The following SAC3D1 variants were observed in gnomAD, a reference collection of about 807,000 sequenced individuals.
SAC3D1 encodes SAC3 domain-containing protein 1.
In SAC3D1, 10 loss-of-function variants were observed where a neutral mutation model predicts 12.7. The observed-to-expected ratio is 0.79, with a 90% CI of 0.49 to 1.34. SAC3D1 has a LOEUF of 1.34. Ranked by LOEUF, SAC3D1 falls within the 40% of genes most tolerant of loss-of-function variation. SAC3D1 has a pLI of 0.00. For missense variants in SAC3D1, 482 were observed against 531.1 expected, an observed-to-expected ratio of 0.91 and a Z score of 0.91; for synonymous variants, 241 against 250.8, an observed-to-expected ratio of 0.96 and a Z score of 0.37.
chr11:65,044,239 C>G lies in SAC3D1; in HGVS notation c.589C>G (p.Leu197Val). The change falls in exon 2 of 2, where the codon CTG (leucine) becomes GTG (valine). Residue 197 changes from leucine to valine, a missense_variant. Coordinates refer to ENST00000652489, the MANE Select transcript of SAC3D1 (RefSeq NM_013299.4). This position sits in a 1 kb window ranked among gnomAD's most constrained non-coding sequence, Gnocchi z 4.0. ...CGCTCTCACAGGCTCGGTGGAAGCC[C>G]TGCATGAGGTTCTACAGCTGCCTGC... ...LLYNLGSVEA[L>V]HEVLQLPAAL... is the part of the protein sequence containing the mutation. 6.2e-7 allele frequency: 1 copy of G among 1,612,690 alleles called. No homozygotes were observed. The highest frequency in any genetic ancestry group is 1.3e-5 in the African/African-American group (1 of 75,048).
chr11:65,041,221 G>T lies in SAC3D1; in HGVS notation c.-72G>T, dbSNP rs939298745. 1.1e-5 allele frequency: 15 copies of T among 1,385,306 alleles called. No homozygotes were observed. In the African/African-American group the frequency reaches 2.3e-4, roughly 21 times the overall value. The allele number at this position is 1,385,306 out of a possible 1,614,324, so 85.8% of individuals were successfully genotyped here. On this transcript the variant is annotated 5_prime_UTR_variant, in exon 1 of 2. Coordinates refer to ENST00000652489, the MANE Select transcript of SAC3D1 (RefSeq NM_013299.4). ...CCCGCCGCTCCCCACCCCCCGGCCGGCCTCGCGTGCCTTCCCGCAGCACTG... is the reference window on the plus strand; with the variant it reads ...CCCGCCGCTCCCCACCCCCCGGCCGTCCTCGCGTGCCTTCCCGCAGCACTG...
Position 65,041,401 on chromosome 11 carries a change from GGTT to G in SAC3D1, c.111_113del (p.Cys38del). The G allele has an allele frequency of 6.6e-7, 1 of 1,507,066 alleles. No individual in the cohort carries two copies. The highest frequency in any genetic ancestry group is 8.8e-7 in the Non-Finnish European group (1 of 1,134,824). 93.4% of individuals were successfully genotyped at this position (1,507,066 alleles called of 1,614,324 possible). ...CCTGCACCGCTTGGAGGTGGTGCCGGGTTGCCGCCAGGACCCGCCCCGCGCGGA... is the reference window on the plus strand; with the variant it reads ...CCTGCACCGCTTGGAGGTGGTGCCGGGCCGCCAGGACCCGCCCCGCGCGGA... On this transcript the variant is annotated inframe_deletion, in exon 1 of 2. Transcript: ENST00000652489.
At position 65,041,480 on chromosome 11, in the gene SAC3D1, G is replaced by A. The variant is rs1279931225; in HGVS notation, c.188G>A (p.Arg63Gln). 1.4e-6 allele frequency: 2 copies of A among 1,474,330 alleles called. No homozygotes were observed. Among genetic ancestry groups the A allele is most frequent in the African/African-American group, 1.5e-5 (1 of 68,102 alleles). The allele number at this position is 1,474,330 out of a possible 1,614,324, so 91.3% of individuals were successfully genotyped here. A position where few individuals can be genotyped will look rare whatever the true frequency, so the allele number is the denominator to read the frequency against. The change falls in exon 1 of 2, where the codon CGG (arginine) becomes CAG (glutamine). Residue 63 changes from arginine to glutamine, a missense_variant. By Grantham distance (43) the Arg-to-Gln change is conservative. Transcript: ENST00000652489. Reference sequence around the variant, plus strand: ...AGCCGACCCGCCGCCGGCAAGCCCCGGCCCCCGCCCAGCCAGTTGCGTCCG... The same window carrying A: ...AGCCGACCCGCCGCCGGCAAGCCCCAGCCCCCGCCCAGCCAGTTGCGTCCG... ...EYSRPAAGKP[R>Q]PPPSQLRPPS...
chr11:65,044,083 C>G lies in SAC3D1; in HGVS notation c.575-142C>G. On this transcript the variant is annotated intron_variant, in intron 1 of 1. Transcript: ENST00000652489. The surrounding 1 kb of genome is among the most constrained non-coding windows in gnomAD (Gnocchi z 4.0). ...GGTTGGGGAAGGAGCCAAAGGCTGG[C>G]CCTTAGAGGGGAGAGGGAAGTTGGG... 1.1e-6 allele frequency: 1 copy of G among 933,408 alleles called. No homozygotes were observed. Among genetic ancestry groups the G allele is most frequent in the Non-Finnish European group, 1.6e-6 (1 of 618,404 alleles). 57.8% of individuals were successfully genotyped at this position (933,408 alleles called of 1,614,324 possible).
Position 65,041,831 on chromosome 11 carries a change from C to G in SAC3D1, c.539C>G (p.Pro180Arg). The G allele has an allele frequency of 6.8e-7, 1 of 1,467,890 alleles. No individual in the cohort carries two copies. Among genetic ancestry groups the G allele is most frequent in the Non-Finnish European group, 9.0e-7 (1 of 1,116,822 alleles). The allele number at this position is 1,467,890 out of a possible 1,614,324, so 90.9% of individuals were successfully genotyped here. A position where few individuals can be genotyped will look rare whatever the true frequency, so the allele number is the denominator to read the frequency against. The change falls in exon 1 of 2, where the codon CCC becomes CGC. Residue 180 changes from proline (P) to arginine (R), a missense_variant. Coordinates refer to ENST00000652489, the MANE Select transcript of SAC3D1 (RefSeq NM_013299.4). ...ARGAGPHPRQ[P>R]AFQGLFLLYN... ...GGCGCCGGGCCGCACCCCCGCCAAC[C>G]CGCCTTCCAGGGCCTCTTTCTGCTC...
Position 65,044,087 on chromosome 11 carries a change from T to G in SAC3D1, c.575-138T>G. On this transcript the variant is annotated intron_variant, in intron 1 of 1. Transcript: ENST00000652489. This position sits in a 1 kb window ranked among gnomAD's most constrained non-coding sequence, Gnocchi z 4.0. The stretch of plus-strand genomic sequence containing the variant: ...GGGGAAGGAGCCAAAGGCTGGCCCT[T>G]AGAGGGGAGAGGGAAGTTGGGCTAG... The G allele has an allele frequency of 2.0e-6, 2 of 980,436 alleles. No individual in the cohort carries two copies. The highest frequency in any genetic ancestry group is 1.6e-5 in the South Asian group (1 of 63,870). The allele number at this position is 980,436 out of a possible 1,614,324, so 60.7% of individuals were successfully genotyped here. A position where few individuals can be genotyped will look rare whatever the true frequency, so the allele number is the denominator to read the frequency against.
At chr11:65,041,948 G>C (rs1208682889) in intron 1 of SAC3D1, 82 bp downstream of exon 1, 2 of 1,280,630 alleles carry the variant, frequency 1.6e-6, no homozygotes, top group South Asian at 2.3e-5. Context: ...GGAAGGATTA[G>C]CTTTAACATC....
chr11:65,043,144 T>G (rs1305695877), intron 1 of SAC3D1: 8 of 402,216 alleles, frequency 2.0e-5, no homozygotes, highest in Non-Finnish European at 3.5e-5. Context: ...TTGTCCACAC[T>G]GTTCCTCTGA....
Position 65,044,172 on chromosome 11 carries a change from A to G in SAC3D1, c.575-53A>G, listed in dbSNP as rs1946665693. ...GGACAGGGTGTTGGGAGGGGAGATG[A>G]GCCTGATCCTGTAAGGACCAGGCGT... On this transcript the variant is annotated intron_variant, in intron 1 of 1. Transcript: ENST00000652489. This position sits in a 1 kb window ranked among gnomAD's most constrained non-coding sequence, Gnocchi z 4.0. The G allele has an allele frequency of 1.3e-6, 2 of 1,576,276 alleles. No homozygotes were observed. The highest frequency in any genetic ancestry group is 3.5e-5 in the Admixed American group (2 of 57,386).
chr11:65,044,766 C>T lies in SAC3D1; in HGVS notation c.*39C>T. 1 of 1,580,404 alleles carries T rather than the reference C, an allele frequency of 6.3e-7. No individual in the cohort carries two copies. Among genetic ancestry groups the T allele is most frequent in the Non-Finnish European group, 8.6e-7 (1 of 1,162,946 alleles). ...GCCTCCCAGAGCCCCAGGACTGGGC[C>T]AGAGCACTTAGGTTTCTTTTTCCAT... On this transcript the variant is annotated 3_prime_UTR_variant, in exon 2 of 2. Coordinates refer to ENST00000652489, the MANE Select transcript of SAC3D1 (RefSeq NM_013299.4). The surrounding 1 kb of genome is among the most constrained non-coding windows in gnomAD (Gnocchi z 4.0).
chr11:65,041,531 G>C lies in SAC3D1; in HGVS notation c.239G>C (p.Arg80Pro). The change falls in exon 1 of 2, where the codon CGC becomes CCC. Residue 80 changes from arginine to proline, a missense_variant. This residue lies in a region of SAC3D1 where 197 missense variants were observed against 183.2 expected (regional missense o/e 1.08). Transcript: ENST00000652489. The part of the protein sequence containing the change: ...RPPSVLLATV[R>P]YLAGEVAESA... ...CCCTCCGTGCTGCTGGCCACCGTGC[G>C]CTACCTGGCCGGTGAGGTGGCGGAG... 1.4e-6 allele frequency: 2 copies of C among 1,467,860 alleles called. No individual in the cohort carries two copies. Among genetic ancestry groups the C allele is most frequent in the Non-Finnish European group, 1.8e-6 (2 of 1,115,804 alleles). 90.9% of individuals were successfully genotyped at this position (1,467,860 alleles called of 1,614,324 possible). A position where few individuals can be genotyped will look rare whatever the true frequency, so the allele number is the denominator to read the frequency against.
In SAC3D1 at chr11:65,041,406, C is replaced by T. The variant is rs1402540209; in HGVS notation, c.114C>T (p.Cys38=). ...RLHRLEVVPG[C]RQDPPRADPQ... ...ACCGCTTGGAGGTGGTGCCGGGTTGCCGCCAGGACCCGCCCCGCGCGGATC... is the reference window on the plus strand; with the variant it reads ...ACCGCTTGGAGGTGGTGCCGGGTTGTCGCCAGGACCCGCCCCGCGCGGATC... The change falls in exon 1 of 2, where the codon TGC becomes TGT. Residue 38 remains cysteine (C), a synonymous_variant. Transcript: ENST00000652489. 48 of 1,506,010 alleles carry T rather than the reference C, an allele frequency of 3.2e-5. No homozygotes were observed. The East Asian group carries it at 1.3e-3, about 40-fold the overall frequency. The allele number at this position is 1,506,010 out of a possible 1,614,324, so 93.3% of individuals were successfully genotyped here.
chr11:65,044,214 C>G lies in SAC3D1; in HGVS notation c.575-11C>G. On this transcript the variant is annotated splice_polypyrimidine_tract_variant and intron_variant, in intron 1 of 1. Coordinates refer to ENST00000652489, the MANE Select transcript of SAC3D1 (RefSeq NM_013299.4). The surrounding 1 kb of genome is among the most constrained non-coding windows in gnomAD (Gnocchi z 4.0). Reference sequence around the variant, plus strand: ...ACCAGGCGTCCTCATTCTGGCTTCCCGCTCTCACAGGCTCGGTGGAAGCCC... The same window carrying G: ...ACCAGGCGTCCTCATTCTGGCTTCCGGCTCTCACAGGCTCGGTGGAAGCCC... 1 of 1,610,568 alleles carries G rather than the reference C, an allele frequency of 6.2e-7. No individual in the cohort carries two copies. The highest frequency in any genetic ancestry group is 8.5e-7 in the Non-Finnish European group (1 of 1,178,454).
intron 1 of SAC3D1, chr11:65,042,982 T>C (rs758885792): frequency 2.5e-5 from 10 of 396,558 alleles, no homozygotes; most frequent in Non-Finnish European, 5.1e-5. Context: ...ACCACAGATG[T>C]ATGCAATCAC....
At position 65,044,086 on chromosome 11, in the gene SAC3D1, T is replaced by G; in HGVS notation, c.575-139T>G. The G allele has an allele frequency of 1.0e-6, 1 of 985,208 alleles. No homozygotes were observed. Among genetic ancestry groups the G allele is most frequent in the Non-Finnish European group, 1.5e-6 (1 of 663,810 alleles). The allele number at this position is 985,208 out of a possible 1,614,324, so 61.0% of individuals were successfully genotyped here. A position where few individuals can be genotyped will look rare whatever the true frequency, so the allele number is the denominator to read the frequency against. ...TGGGGAAGGAGCCAAAGGCTGGCCC[T>G]TAGAGGGGAGAGGGAAGTTGGGCTA... is the stretch of plus-strand genomic sequence containing the variant. On this transcript the variant is annotated intron_variant, in intron 1 of 1. Transcript: ENST00000652489. This position sits in a 1 kb window ranked among gnomAD's most constrained non-coding sequence, Gnocchi z 4.0.
rs769935752 is a variant in SAC3D1, at chr11:65,041,236, C to T, written c.-57C>T. ...CCCCCGGCCGGCCTCGCGTGCCTTC[C>T]CGCAGCACTGCCGTCCCCGGGATGC... On this transcript the variant is annotated 5_prime_UTR_variant, in exon 1 of 2. Coordinates refer to ENST00000652489, the MANE Select transcript of SAC3D1 (RefSeq NM_013299.4). The T allele has an allele frequency of 6.8e-6, 10 of 1,465,356 alleles. No individual in the cohort carries two copies. The highest frequency in any genetic ancestry group is 9.0e-6 in the Non-Finnish European group (10 of 1,113,812). 90.8% of individuals were successfully genotyped at this position (1,465,356 alleles called of 1,614,324 possible). A position where few individuals can be genotyped will look rare whatever the true frequency, so the allele number is the denominator to read the frequency against.
chr11:65,041,445 GA>G lies in SAC3D1; in HGVS notation c.155del (p.Lys52ArgfsTer83). 1 of 1,501,482 alleles carries G rather than the reference GA, an allele frequency of 6.7e-7. No individual in the cohort carries two copies. The highest frequency in any genetic ancestry group is 8.8e-7 in the Non-Finnish European group (1 of 1,132,154). 93.0% of individuals were successfully genotyped at this position (1,501,482 alleles called of 1,614,324 possible). ...CCCGCGCGGATCCGCAGCGCGCGGT[GA>G]AGGAGTACAGCCGACCCGCCGCCGG... is the stretch of plus-strand genomic sequence containing the variant. ...PPRADPQRAV[K>X]EYSRPAAGKP... is the part of the protein sequence containing the mutation. On this transcript the variant is annotated frameshift_variant, in exon 1 of 2. Transcript: ENST00000652489. LOFTEE classifies it high-confidence loss of function.
Position 65,041,572 on chromosome 11 carries a change from C to T in SAC3D1, c.280C>T (p.Arg94Cys), listed in dbSNP as rs3741390. 444,425 of 1,477,344 alleles carry T rather than the reference C, an allele frequency of 0.3. 72,059 individuals are homozygous for T. The highest frequency in any genetic ancestry group is 0.79 in the East Asian group (27,307 of 34,376). The allele number at this position is 1,477,344 out of a possible 1,614,324, so 91.5% of individuals were successfully genotyped here. ...GEVAESADIA[R>C]AEVASFVADR... The stretch of plus-strand genomic sequence containing the variant: ...GGTGGCGGAGAGCGCCGACATCGCC[C>T]GCGCCGAGGTGGCCAGCTTCGTGGC... The change falls in exon 1 of 2, where the codon CGC becomes TGC. Residue 94 changes from arginine (R) to cysteine (C), a missense_variant. Transcript: ENST00000652489.
chr11:65,043,650 G>A (rs1236478428), intron 1 of SAC3D1, among the ~76,000 whole-genome samples: 1 of 122,438 alleles, frequency 8.2e-6, no homozygotes, highest in Non-Finnish European at 1.7e-5. Flanking sequence ...AAAAGGCCCT[G>A]CCCTATACAA....
Sources: allele counts gnomAD v4.1 joint callset (sites outside exome capture counted in the v4.1 genomes callset), GRCh38; gene constraint gnomAD v4.1.1; regional missense constraint gnomAD v4.1.1; non-coding constraint Gnocchi (gnomAD v3.1); transcripts MANE v1.5; gene names NCBI Gene and HGNC (gene_info 2026-07-23, HGNC 2026-07-21).